The following FSIP1 variants were observed in gnomAD, a reference collection of about 807,000 sequenced individuals.
FSIP1 encodes the protein fibrous sheath interacting protein 1, also known as fibrous sheath-interacting protein 1.
Under a neutral mutation model 60.9 loss-of-function variants are expected in FSIP1, and 65 were observed. That is an observed-to-expected ratio of 1.07 (90% CI 0.87 to 1.31). The LOEUF is 1.31. Ranked by LOEUF, FSIP1 falls within the 40% of genes most tolerant of loss-of-function variation. The probability of loss-of-function intolerance (pLI) is 0.00; values close to 1 mark genes in which losing one functional copy is unlikely to be tolerated. For synonymous variants in FSIP1, 209 were observed against 221.2 expected (o/e 0.94, Z 0.49); for missense variants, 675 against 665.5 (o/e 1.01, Z -0.16).
At chr15:39,728,285 A>G (rs1896275237) in intron 8 of FSIP1, among the ~76,000 whole-genome samples, 1 of 152,192 alleles carries the variant, frequency 6.6e-6, no homozygotes, top group Non-Finnish European at 1.5e-5. Context: ...AGAAAAAACT[A>G]TTTAAAAAAT....
chr15:39,706,301 CA>C (rs988007585), intron 10 of FSIP1, among the ~76,000 whole-genome samples: 2 of 152,188 alleles, frequency 1.3e-5, no homozygotes, highest in African/African-American at 4.8e-5. Context: ...ATAACCCATT[CA>C]AACAGCTACC....
At chr15:39,765,064 C>A (rs1897633600) in intron 4 of FSIP1, among the ~76,000 whole-genome samples, 1 of 152,112 alleles carries the variant, frequency 6.6e-6, no homozygotes, top group Non-Finnish European at 1.5e-5. Flanking sequence ...TGCTTGAAAT[C>A]TGAATGTTGC....
intron 10 of FSIP1, among the ~76,000 whole-genome samples, chr15:39,693,203 T>C (rs1339361258): frequency 6.6e-6 from 1 of 152,236 alleles, no homozygotes; most frequent in Non-Finnish European, 1.5e-5. Context: ...ATTTAACACA[T>C]GCACAAAACA....
intron 11 of FSIP1, among the ~76,000 whole-genome samples, chr15:39,617,385 T>G (rs964310243): frequency 6.6e-6 from 1 of 152,180 alleles, no homozygotes; most frequent in Non-Finnish European, 1.5e-5. Flanking sequence ...AGAACAAATT[T>G]TCATCACTAA....
At chr15:39,695,369 T>C (rs1367529365) in intron 10 of FSIP1, among the ~76,000 whole-genome samples, 2 of 151,782 alleles carry the variant, frequency 1.3e-5, no homozygotes, top group Admixed American at 6.6e-5. Flanking sequence ...TCTCTCTAAA[T>C]GATAACTCAC....
chr15:39,685,702 GA>G (rs985745504), intron 10 of FSIP1, among the ~76,000 whole-genome samples: 4 of 151,764 alleles, frequency 2.6e-5, no homozygotes, highest in East Asian at 1.9e-4. Flanking sequence ...CATCTCATCT[GA>G]AAAAAAAATT....
chr15:39,718,271 T>C (rs1244662195), intron 9 of FSIP1, among the ~76,000 whole-genome samples: 1 of 150,744 alleles, frequency 6.6e-6, no homozygotes, highest in Non-Finnish European at 1.5e-5. Flanking sequence ...CACATATATA[T>C]ACACACACAC....
At chr15:39,767,766 T>C (rs1166718) in intron 3 of FSIP1, among the ~76,000 whole-genome samples, 89,176 of 151,996 alleles carry the variant, frequency 0.59, 26,715 homozygotes, top group African/African-American at 0.69. Context: ...CTGGGCAGCC[T>C]GACTCCAGGG....
chr15:39,771,510 C>G (rs560159502), intron 2 of FSIP1, among the ~76,000 whole-genome samples: 2 of 152,310 alleles, frequency 1.3e-5, no homozygotes, highest in East Asian at 3.9e-4. Context: ...GAATGCAGGC[C>G]TGCGTGAGTA....
chr15:39,675,625 T>C (rs1893908075), intron 10 of FSIP1, among the ~76,000 whole-genome samples: 1 of 152,166 alleles, frequency 6.6e-6, no homozygotes, highest in Non-Finnish European at 1.5e-5. Context: ...TTTTATCAAA[T>C]ATAAACTTAA....
chr15:39,660,215 G>T (rs983439577), intron 10 of FSIP1, among the ~76,000 whole-genome samples: 1 of 152,292 alleles, frequency 6.6e-6, no homozygotes, highest in Admixed American at 6.5e-5. Flanking sequence ...CACCTTCTAG[G>T]TGAGGCTAGA....
chr15:39,677,730 G>A (rs1432009901), intron 10 of FSIP1, among the ~76,000 whole-genome samples: 6 of 152,146 alleles, frequency 3.9e-5, no homozygotes, highest in Admixed American at 3.9e-4. Flanking sequence ...GTGTGTTTAC[G>A]ACCGGGCGTG....
intron 10 of FSIP1, among the ~76,000 whole-genome samples, chr15:39,699,730 A>C (rs528792222): frequency 2.6e-5 from 4 of 152,256 alleles, no homozygotes; most frequent in Middle Eastern, 3.4e-3. Flanking sequence ...TCATCTGCAA[A>C]ATTCCACACT....
intron 9 of FSIP1, among the ~76,000 whole-genome samples, chr15:39,724,763 C>T (rs1341411127): frequency 6.6e-6 from 1 of 152,142 alleles, no homozygotes; most frequent in Non-Finnish European, 1.5e-5. Context: ...TATTTAAGAC[C>T]ACAGTTCAGC....
rs73395210 is a variant in FSIP1, at chr15:39,679,882, C to T, written c.1188+33562G>A. 6.2e-3 allele frequency among the ~76,000 whole-genome samples: 947 copies of T among 152,234 alleles called. 11 individuals carry two copies. Among genetic ancestry groups the T allele is most frequent in the African/African-American group, 0.022 (895 of 41,544 alleles). On this transcript the variant is annotated intron_variant, in intron 10 of 11. Transcript: ENST00000350221. Reference sequence around the variant, plus strand: ...TACTATTTGAAATAGCCACAAGGTACCAAATATATTATTTATAGATTATAA... The same window carrying T: ...TACTATTTGAAATAGCCACAAGGTATCAAATATATTATTTATAGATTATAA...
At chr15:39,745,671 A>T (rs542969606) in intron 5 of FSIP1, among the ~76,000 whole-genome samples, 2 of 152,188 alleles carry the variant, frequency 1.3e-5, no homozygotes, top group African/African-American at 4.8e-5. Context: ...CCTAACATGC[A>T]TATCTTTGAG....
At position 39,620,630 on chromosome 15, in the gene FSIP1, C is replaced by T. The variant is rs968833260; in HGVS notation, c.1189-2385G>A. On this transcript the variant is annotated intron_variant, in intron 10 of 11. Coordinates refer to ENST00000350221, the MANE Select transcript of FSIP1 (RefSeq NM_152597.5). ...TTTTTGACATGGAGTCTTGCTCTGTCGCGCAGGCTGGAGTGCAGTGGCGCA... is the reference window on the plus strand; with the variant it reads ...TTTTTGACATGGAGTCTTGCTCTGTTGCGCAGGCTGGAGTGCAGTGGCGCA... Among the ~76,000 whole-genome samples the T allele has an allele frequency of 2.7e-5, 4 of 150,840 alleles. 1 individual carries two copies. The highest frequency in any genetic ancestry group is 1.5e-5 in the Non-Finnish European group (1 of 67,766).
chr15:39,686,228 C>T (rs866767163), intron 10 of FSIP1, among the ~76,000 whole-genome samples: 1 of 152,224 alleles, frequency 6.6e-6, no homozygotes. Flanking sequence ...CACTAGGTGG[C>T]ACCTTCACAC....
chr15:39,718,351 G>A (rs544107323), intron 9 of FSIP1, among the ~76,000 whole-genome samples: 13 of 151,898 alleles, frequency 8.6e-5, no homozygotes, highest in East Asian at 5.8e-4. Flanking sequence ...GTCTGTGTGC[G>A]TATAGAGAAA....
Sources: allele counts gnomAD v4.1 joint callset (sites outside exome capture counted in the v4.1 genomes callset), GRCh38; gene constraint gnomAD v4.1.1; transcripts MANE v1.5; gene names NCBI Gene and HGNC (gene_info 2026-07-23, HGNC 2026-07-21).